The following NSD2 variants were observed in gnomAD, a reference collection of about 807,000 sequenced individuals.
NSD2 encodes the protein histone-lysine N-methyltransferase NSD2.
NSD2 carries 12 observed loss-of-function variants against 139.0 expected under a neutral mutation model. The observed-to-expected ratio is 0.09, with a 90% CI of 0.06 to 0.14. The LOEUF is 0.14. NSD2 is among the 10% of genes least tolerant of loss of function. The pLI is 1.00. For synonymous variants in NSD2, 669 were observed against 648.7 expected, an observed-to-expected ratio of 1.03 and a Z score of -0.48; for missense variants, 1,155 against 1,745.0, an observed-to-expected ratio of 0.66 and a Z score of 6.02.
At chr4:1,943,332 T>G (rs1266392142) in intron 9 of NSD2, 1 of 1,042,952 alleles carries the variant, frequency 9.6e-7, no homozygotes, top group African/African-American at 1.7e-5. Flanking sequence ...TTGTAAACCA[T>G]TAAGTAATGT....
At chr4:1,962,617 G>GT (rs1725482045) in intron 18 of NSD2, among the ~76,000 whole-genome samples, 1 of 152,142 alleles carries the variant, frequency 6.6e-6, no homozygotes, top group Non-Finnish European at 1.5e-5. Context: ...ACTGATGTTC[G>GT]TTATAGTATT....
At chr4:1,912,542 A>G (rs1718820714) in intron 3 of NSD2, among the ~76,000 whole-genome samples, 1 of 151,686 alleles carries the variant, frequency 6.6e-6, no homozygotes, top group Non-Finnish European at 1.5e-5. Flanking sequence ...TTTTTCAAGT[A>G]TTCATCTCCT....
At chr4:1,933,519 A>T (rs952704825) in intron 6 of NSD2, among the ~76,000 whole-genome samples, 2 of 151,728 alleles carry the variant, frequency 1.3e-5, no homozygotes, top group African/African-American at 4.8e-5. Flanking sequence ...CCTCCCGAGT[A>T]GCTGGGACTA....
At chr4:1,951,701 A>C (rs556802206) in intron 10 of NSD2, among the ~76,000 whole-genome samples, 28 of 152,276 alleles carry the variant, frequency 1.8e-4, no homozygotes, top group African/African-American at 6.7e-4. Context: ...TGTCAGCTGG[A>C]GATGGCATGG....
chr4:1,873,052 A>C (rs1216145828), intron 1 of NSD2, among the ~76,000 whole-genome samples: 1 of 152,206 alleles, frequency 6.6e-6, no homozygotes, highest in Non-Finnish European at 1.5e-5. Flanking sequence ...TAAACTGCCA[A>C]ATGGAGATGA....
At position 1,872,629 on chromosome 4, in the gene NSD2, A is replaced by AGAGAGAGAGAGAGAGAGAGAGG. The variant is rs1553856461; in HGVS notation, c.-30+1094_-30+1095insAGAGAGAGAGAGAGGGAGAGAG. Among the ~76,000 whole-genome samples, 12 of 142,596 alleles carry AGAGAGAGAGAGAGAGAGAGAGG rather than the reference A, an allele frequency of 8.4e-5. 2 individuals are homozygous for AGAGAGAGAGAGAGAGAGAGAGG. The highest frequency in any genetic ancestry group is 1.7e-4 in the Non-Finnish European group (11 of 64,674). The allele number at this position is 142,596 out of a possible 152,430, so 93.5% of individuals were successfully genotyped here. A position where few individuals can be genotyped will look rare whatever the true frequency, so the allele number is the denominator to read the frequency against. ...GAGAGAGAGAGAGAGAGAGAGAGAG[A>AGAGAGAGAGAGAGAGAGAGAGG]GAGAGAGCGCGCAGACCCTGTGAAG... On this transcript the variant is annotated intron_variant, in intron 1 of 21. Coordinates refer to ENST00000508803, the MANE Select transcript of NSD2 (RefSeq NM_001042424.3).
chr4:1,953,122 A>G (rs200886469), intron 11 of NSD2: 261 of 1,535,066 alleles, frequency 1.7e-4, no homozygotes, highest in South Asian at 2.1e-4. Flanking sequence ...TGGAGCTCAG[A>G]TCGCAGCAAG....
intron 5 of NSD2, among the ~76,000 whole-genome samples, chr4:1,924,401 G>A (rs1329516796): frequency 6.6e-6 from 1 of 151,996 alleles, no homozygotes; most frequent in East Asian, 1.9e-4. Flanking sequence ...TATGTTGCTC[G>A]GCTGTGTCTC....
intron 11 of NSD2, chr4:1,952,953 T>G: frequency 7.0e-7 from 1 of 1,428,162 alleles, no homozygotes. Context: ...TCTGTCTGCC[T>G]GCCCAGAATG....
intron 18 of NSD2, among the ~76,000 whole-genome samples, chr4:1,966,638 C>T (rs111700375): frequency 0.01 from 1,342 of 129,932 alleles, 13 homozygotes; most frequent in Admixed American, 0.011. Flanking sequence ...GCCTGGGTGA[C>T]AGAGCAAGAC....
At chr4:1,886,848 T>A (rs1006259161) in intron 1 of NSD2, among the ~76,000 whole-genome samples, 3 of 151,890 alleles carry the variant, frequency 2.0e-5, no homozygotes, top group Non-Finnish European at 4.4e-5. Context: ...AAAAAAAAAA[T>A]AACTTGCTTA....
At chr4:1,878,243 ATATATATATTTTTTTTTTTTTTTT>A (rs1714420953) in intron 1 of NSD2, among the ~76,000 whole-genome samples, 3 of 37,296 alleles carry the variant, frequency 8.0e-5, no homozygotes, top group African/African-American at 2.5e-4. Flanking sequence ...ATATATATAT[ATATATATATTTTTTTTTTTTTTTT>A]TTTTTTTTTT....
intron 1 of NSD2, among the ~76,000 whole-genome samples, chr4:1,900,053 C>A (rs1716947183): frequency 6.6e-6 from 1 of 152,178 alleles, no homozygotes; most frequent in African/African-American, 2.4e-5. Flanking sequence ...GGAGCTAATC[C>A]TGTGCTTGGA....
At chr4:1,971,166 C>G (rs555617924) in intron 18 of NSD2, among the ~76,000 whole-genome samples, 1 of 152,186 alleles carries the variant, frequency 6.6e-6, no homozygotes, top group Admixed American at 6.5e-5. Flanking sequence ...CGAGACCAGC[C>G]TGGGCAACAT....
At position 1,948,610 on chromosome 4, in the gene NSD2, G is replaced by A. The variant is rs1723886861; in HGVS notation, c.1882-2462G>A. The A allele has an allele frequency of 2.8e-6, 3 of 1,062,650 alleles. No individual in the cohort carries two copies. In the East Asian group the frequency reaches 1.5e-4, roughly 54 times the overall value. The allele number at this position is 1,062,650 out of a possible 1,614,324, so 65.8% of individuals were successfully genotyped here. A position where few individuals can be genotyped will look rare whatever the true frequency, so the allele number is the denominator to read the frequency against. On this transcript the variant is annotated intron_variant, in intron 9 of 21. Transcript: ENST00000508803. This position sits in a 1 kb window ranked among gnomAD's most constrained non-coding sequence, Gnocchi z 4.5. Reference sequence around the variant, plus strand: ...AATCTGTGTCATGGACTGTACTATTGTAAGGTCTATATTCTGTATGTGGGT... The same window carrying A: ...AATCTGTGTCATGGACTGTACTATTATAAGGTCTATATTCTGTATGTGGGT...
intron 10 of NSD2, among the ~76,000 whole-genome samples, chr4:1,951,530 C>T (rs1724269089): frequency 7.4e-6 from 1 of 134,686 alleles, no homozygotes; most frequent in Non-Finnish European, 1.5e-5. Flanking sequence ...ACACAAAGTT[C>T]CTGTTGGAAA....
intron 9 of NSD2, chr4:1,947,719 T>G: frequency 9.5e-7 from 1 of 1,053,320 alleles, no homozygotes; most frequent in South Asian, 4.6e-5. Flanking sequence ...CGCCATCAGC[T>G]TCCTTCTTTA....
chr4:1,910,924 G>A (rs935053765), intron 3 of NSD2, among the ~76,000 whole-genome samples: 5 of 152,120 alleles, frequency 3.3e-5, no homozygotes, highest in Non-Finnish European at 5.9e-5. Context: ...GTCTCATGTC[G>A]TTGTGACTTT....
Position 1,955,416 on chromosome 4 carries a change from T to C in NSD2, c.2518+76T>C. On this transcript the variant is annotated intron_variant, in intron 13 of 21. Coordinates refer to ENST00000508803, the MANE Select transcript of NSD2 (RefSeq NM_001042424.3). The surrounding 1 kb of genome is among the most constrained non-coding windows in gnomAD (Gnocchi z 4.7). ...CCACATATCAAGGCAGGCTCATTCCTTGTCTGCGCTGTGTTCATTGATGTT... is the reference window on the plus strand; with the variant it reads ...CCACATATCAAGGCAGGCTCATTCCCTGTCTGCGCTGTGTTCATTGATGTT... The C allele has an allele frequency of 3.3e-6, 5 of 1,500,118 alleles. No individual in the cohort carries two copies. Among genetic ancestry groups the C allele is most frequent in the Non-Finnish European group, 4.5e-6 (5 of 1,118,266 alleles). The allele number at this position is 1,500,118 out of a possible 1,614,324, so 92.9% of individuals were successfully genotyped here.
Sources: allele counts gnomAD v4.1 joint callset (sites outside exome capture counted in the v4.1 genomes callset), GRCh38; gene constraint gnomAD v4.1.1; non-coding constraint Gnocchi (gnomAD v3.1); transcripts MANE v1.5; gene names NCBI Gene and HGNC (gene_info 2026-07-23, HGNC 2026-07-21).